BUB1B: variants seen among roughly 807,000 people sequenced by gnomAD.
BUB1B encodes BUB1 mitotic checkpoint serine/threonine kinase B, also known as mitotic checkpoint serine/threonine-protein kinase BUB1 beta.
In BUB1B, 86 loss-of-function variants were observed where a neutral mutation model predicts 137.7. That is an observed-to-expected ratio of 0.62 (90% confidence interval 0.52 to 0.75). The LOEUF is 0.75. Among genes scored for constraint, BUB1B ranks in the 30% least tolerant of loss-of-function variants. BUB1B has a pLI of 0.00. For missense variants in BUB1B, 1,130 were observed against 1,236.9 expected, an observed-to-expected ratio of 0.91 and a Z score of 1.30; for synonymous variants, 420 against 417.9, an observed-to-expected ratio of 1.00 and a Z score of -0.06.
chr15:40,176,540 T>G lies in BUB1B; in HGVS notation c.448T>G (p.Ser150Ala). 1.2e-6 allele frequency: 2 copies of G among 1,614,172 alleles called. No individual in the cohort carries two copies. Among genetic ancestry groups the G allele is most frequent in the Non-Finnish European group, 1.7e-6 (2 of 1,180,028 alleles). ...SYLHNQGIGV[S>A]LAQFYISWAE... is the part of the protein sequence containing the mutation. Reference sequence around the variant, plus strand: ...CTTGCACAACCAAGGGATTGGTGTTTCACTTGCTCAGTTCTATATCTCATG... The same window carrying G: ...CTTGCACAACCAAGGGATTGGTGTTGCACTTGCTCAGTTCTATATCTCATG... Residue 150 changes from serine (S) to alanine (A), a missense_variant, in exon 5 of 23, where the codon TCA (serine) becomes GCA (alanine). Coordinates refer to ENST00000287598, the MANE Select transcript of BUB1B (RefSeq NM_001211.6).
chr15:40,163,354 G>A (rs2037060455), intron 1 of BUB1B, among the ~76,000 whole-genome samples: 1 of 152,220 alleles, frequency 6.6e-6, no homozygotes, highest in African/African-American at 2.4e-5. Flanking sequence ...CAACAGGATT[G>A]CTTAAGCTCA....
chr15:40,202,481 GTTTT>G lies in BUB1B; in HGVS notation c.1628+20_1628+23del, dbSNP rs748561005. ...AGAATAAAAGGTACGTTGTTTTTTT[GTTTT>G]TTTGGTTTTTTTTTACTTAAGAATT... On this transcript the variant is annotated intron_variant, in intron 13 of 22. Transcript: ENST00000287598. 4.4e-6 allele frequency: 7 copies of G among 1,602,492 alleles called. No homozygotes were observed. In the East Asian group the frequency reaches 1.6e-4, roughly 36 times the overall value.
At chr15:40,200,786 CTTCT>C in intron 11 of BUB1B, 141 bp from the exon 12 acceptor site, 3 of 694,874 alleles carry the variant, frequency 4.3e-6, no homozygotes, top group Non-Finnish European at 7.3e-6. Context: ...AAGCTTCCAT[CTTCT>C]TTAAGAGAAT....
At chr15:40,185,868 T>TA (rs942710435) in intron 8 of BUB1B, among the ~76,000 whole-genome samples, 5 of 149,054 alleles carry the variant, frequency 3.4e-5, no homozygotes, top group Non-Finnish European at 6.0e-5. Flanking sequence ...CTCTATTTAT[T>TA]AAAAAAAAAA....
intron 8 of BUB1B, among the ~76,000 whole-genome samples, chr15:40,189,408 C>T (rs565804067): frequency 2.7e-4 from 41 of 152,352 alleles, no homozygotes; most frequent in Non-Finnish European, 5.0e-4. Flanking sequence ...GGTCCGCCCA[C>T]CTCGGCTTCC....
chr15:40,195,729 A>G (rs1160606016), intron 8 of BUB1B, among the ~76,000 whole-genome samples: 2 of 152,216 alleles, frequency 1.3e-5, no homozygotes, highest in African/African-American at 4.8e-5. Context: ...TTCCCTGATA[A>G]TTAGTGATGC....
chr15:40,171,863 T>A (rs1289352616), intron 4 of BUB1B, among the ~76,000 whole-genome samples: 1 of 152,140 alleles, frequency 6.6e-6, no homozygotes, highest in Admixed American at 6.5e-5. Flanking sequence ...GAAAAACATA[T>A]TTTTTATTAA....
At chr15:40,212,355 T>C (rs1391152450) in intron 18 of BUB1B, 144 bp from the exon 19 acceptor site, 1 of 652,392 alleles carries the variant, frequency 1.5e-6, no homozygotes, top group East Asian at 2.7e-5. Context: ...TTTGTTGTTA[T>C]TGTGTCTTTT....
intron 8 of BUB1B, among the ~76,000 whole-genome samples, chr15:40,194,397 T>C (rs2037473739): frequency 6.6e-6 from 1 of 152,234 alleles, no homozygotes; most frequent in Non-Finnish European, 1.5e-5. Context: ...AGAATGGACA[T>C]CCTTGTCTTG....
chr15:40,185,536 C>A lies in BUB1B; in HGVS notation c.967-15C>A. On this transcript the variant is annotated splice_polypyrimidine_tract_variant and intron_variant, in intron 7 of 22. Transcript: ENST00000287598. ...ATAAAACTATGGTAATTTTAGTTTT[C>A]TTCTTCATCTCCAGCCTCGTGGCAA... 6.2e-7 allele frequency: 1 copy of A among 1,613,408 alleles called. No individual in the cohort carries two copies. Among genetic ancestry groups the A allele is most frequent in the Non-Finnish European group, 8.5e-7 (1 of 1,179,454 alleles).
intron 5 of BUB1B, among the ~76,000 whole-genome samples, chr15:40,180,029 C>CT (rs1201351274): frequency 4.9e-4 from 73 of 149,486 alleles, no homozygotes; most frequent in Non-Finnish European, 8.0e-4. Context: ...TGTGTTTACC[C>CT]TTTTTTTTGT....
chr15:40,182,473 G>C (rs867218702), intron 5 of BUB1B, among the ~76,000 whole-genome samples: 1 of 152,184 alleles, frequency 6.6e-6, no homozygotes, highest in African/African-American at 2.4e-5. Flanking sequence ...TTGTGTGGCT[G>C]TTGGTTCCAC....
rs1566825445 is a variant in BUB1B, at chr15:40,202,417, C to A, written c.1580C>A (p.Pro527His). ...EQPHSKGPSV[P>H]FSIFDEFLLS... ...TCTCTTTCTCTAGGTCCCAGTGTAC[C>A]TTTCTCCATTTTTGATGAGTTTCTT... Residue 527 changes from proline (P) to histidine (H), a missense_variant, in exon 13 of 23, where the codon CCT becomes CAT. Transcript: ENST00000287598. 1 of 1,611,102 alleles carries A rather than the reference C, an allele frequency of 6.2e-7. No individual in the cohort carries two copies. Among genetic ancestry groups the A allele is most frequent in the Admixed American group, 1.7e-5 (1 of 59,946 alleles).
At position 40,202,389 on chromosome 15, in the gene BUB1B, G is replaced by A. The variant is rs372690199; in HGVS notation, c.1568-16G>A. 6.6e-5 allele frequency: 105 copies of A among 1,588,574 alleles called. No homozygotes were observed. In the Middle Eastern group the frequency reaches 1.1e-3, roughly 17 times the overall value. ...CATTTACTCCTAGAGTATGTATCTA[G>A]TCTCTCTTTCTCTAGGTCCCAGTGT... On this transcript the variant is annotated splice_polypyrimidine_tract_variant and intron_variant, in intron 12 of 22. Transcript: ENST00000287598.
At chr15:40,206,533 A>C in intron 15 of BUB1B, 75 bp downstream of exon 15, 2 of 1,585,858 alleles carry the variant, frequency 1.3e-6, no homozygotes, top group Non-Finnish European at 1.7e-6. Context: ...CAGTTACAGT[A>C]ATCAGTTATC....
rs572503404 is a variant in BUB1B at position 40,170,505 on chromosome 15, A to C, written c.240-32A>C. The C allele has an allele frequency of 6.8e-6, 11 of 1,611,420 alleles. No homozygotes were observed. In the Admixed American group the frequency reaches 8.3e-5, roughly 12 times the overall value. On this transcript the variant is annotated intron_variant, in intron 3 of 22. Transcript: ENST00000287598. ...AGAACAAAAGTACATGTTCAATTTA[A>C]AATGTGTTCTTATCTTTTTCCTCCC...
At chr15:40,181,317 C>T (rs2037290320) in intron 5 of BUB1B, among the ~76,000 whole-genome samples, 1 of 151,282 alleles carries the variant, frequency 6.6e-6, no homozygotes, top group Non-Finnish European at 1.5e-5. Context: ...TCTCCAACTC[C>T]CAATCTCAGG....
Position 40,217,542 on chromosome 15 carries a change from A to T in BUB1B, c.2725A>T (p.Ile909Leu). The T allele has an allele frequency of 1.2e-6, 2 of 1,614,116 alleles. No homozygotes were observed. Among genetic ancestry groups the T allele is most frequent in the Non-Finnish European group, 1.7e-6 (2 of 1,180,020 alleles). Residue 909 changes from isoleucine (I) to leucine (L), a missense_variant, in exon 21 of 23, where the codon ATA (isoleucine) becomes TTA (leucine). Transcript: ENST00000287598. ...DCNKNNQALK[I>L]VDFSYSVDLR... ...TAACAAGAACAATCAAGCTTTGAAG[A>T]TAGTGGACTTTTCCTACAGTGTTGA...
chr15:40,210,017 A>T (rs2037691060), intron 17 of BUB1B, 93 bp from the exon 18 acceptor site: 1 of 1,090,278 alleles, frequency 9.2e-7, no homozygotes, highest in East Asian at 2.4e-5. Flanking sequence ...TGGCAAATAC[A>T]CCAGTGCCTC....
Sources: allele counts gnomAD v4.1 joint callset (sites outside exome capture counted in the v4.1 genomes callset), GRCh38; gene constraint gnomAD v4.1.1; transcripts MANE v1.5; gene names NCBI Gene and HGNC (gene_info 2026-07-23, HGNC 2026-07-21).